Variants in PDZD7 observed in about 807,000 individuals in gnomAD.
PDZD7 encodes the protein PDZ domain containing 7.
Under a neutral mutation model 84.7 loss-of-function variants are expected in PDZD7, and 72 were observed. That is an observed-to-expected ratio of 0.85 (90% CI 0.70 to 1.03). The LOEUF (loss-of-function observed/expected upper bound fraction) is 1.03, where lower values mean the gene tolerates loss of function less well. PDZD7 is among the 50% of genes least tolerant of loss of function. PDZD7 has a pLI of 0.00. For missense variants in PDZD7, 1,490 were observed against 1,412.9 expected, an observed-to-expected ratio of 1.05 and a Z score of -0.87; for synonymous variants, 594 against 580.7, an observed-to-expected ratio of 1.02 and a Z score of -0.33.
Position 101,023,431 on chromosome 10 carries a change from C to T in PDZD7, c.542+5G>A. On this transcript the variant is annotated splice_donor_5th_base_variant and intron_variant, in intron 4 of 16. Transcript: ENST00000619208. ...CAGGGCTAGGATGAGGGAGTTGCTG[C>T]TCACCACGTGGTCTTCTCCTTGGAG... is the stretch of plus-strand genomic sequence containing the variant. 6.2e-7 allele frequency: 1 copy of T among 1,614,058 alleles called. No individual in the cohort carries two copies.
At chr10:101,025,505 C>T (rs572839312) in intron 2 of PDZD7, among the ~76,000 whole-genome samples, 166 of 150,794 alleles carry the variant, frequency 1.1e-3, no homozygotes, top group African/African-American at 3.9e-3. Context: ...ACCACCCCAG[C>T]CTTGAAATGG....
intron 1 of PDZD7, chr10:101,030,760 A>G (rs1590082818): frequency 7.9e-6 from 1 of 126,796 alleles, no homozygotes; most frequent in Non-Finnish European, 1.6e-5. Flanking sequence ...GCGGGCATGG[A>G]GGTGGCCCGG....
At position 101,021,786 on chromosome 10, in the gene PDZD7, T is replaced by G. The variant is rs1409496783; in HGVS notation, c.867+12A>C. The G allele has an allele frequency of 1.9e-6, 3 of 1,614,202 alleles. No homozygotes were observed. In the South Asian group the frequency reaches 3.3e-5, roughly 18 times the overall value. On this transcript the variant is annotated intron_variant, in intron 6 of 16. Coordinates refer to ENST00000619208, the MANE Select transcript of PDZD7 (RefSeq NM_001195263.2). ...TAGCCTCACCTCTCCCTACCCCCACTGTTCTGCCCACCTTGATGGTCAGCA... is the reference window on the plus strand; with the variant it reads ...TAGCCTCACCTCTCCCTACCCCCACGGTTCTGCCCACCTTGATGGTCAGCA...
Position 101,010,671 on chromosome 10 carries a change from G to C in PDZD7, c.2218C>G (p.Pro740Ala), listed in dbSNP as rs1179069732. ...GGCCGCAGGGGCCGGGGAGCCACGG[G>C]GGGTAGCTGGGGAGGGGGTGTGCAG... ...IACTPPPQLP[P>A]VAPRPLRPNW... The change falls in exon 15 of 17, where the codon CCC (proline) becomes GCC (alanine). Residue 740 changes from proline to alanine, a missense_variant. Physicochemically the swap from Pro to Ala is conservative, Grantham distance 27. Coordinates refer to ENST00000619208, the MANE Select transcript of PDZD7 (RefSeq NM_001195263.2). The C allele has an allele frequency of 8.5e-6, 13 of 1,522,724 alleles. No homozygotes were observed. Among genetic ancestry groups the C allele is most frequent in the African/African-American group, 5.5e-5 (4 of 72,530 alleles). The allele number at this position is 1,522,724 out of a possible 1,614,324, so 94.3% of individuals were successfully genotyped here. A position where few individuals can be genotyped will look rare whatever the true frequency, so the allele number is the denominator to read the frequency against.
intron 2 of PDZD7, among the ~76,000 whole-genome samples, chr10:101,028,719 T>C (rs182524266): frequency 8.3e-4 from 127 of 152,226 alleles, no homozygotes; most frequent in Middle Eastern, 3.4e-3. Context: ...GTTCTTTTAA[T>C]AGAATGGGAC....
intron 13 of PDZD7, 63 bp downstream of exon 13, chr10:101,011,862 C>G: frequency 6.5e-7 from 1 of 1,549,386 alleles, no homozygotes; most frequent in South Asian, 1.2e-5. Flanking sequence ...CTCTCCACCA[C>G]GGGGTCCCAT....
chr10:101,017,272 CA>C (rs1350749050), intron 9 of PDZD7: 15 of 247,918 alleles, frequency 6.1e-5, no homozygotes, highest in Non-Finnish European at 1.1e-4. Context: ...GGCAAAGCCC[CA>C]CAATAGCGAA....
At chr10:101,029,114 G>A (rs889621096) in intron 2 of PDZD7, among the ~76,000 whole-genome samples, 1 of 152,214 alleles carries the variant, frequency 6.6e-6, no homozygotes, top group African/African-American at 2.4e-5. Context: ...TCAGACTCAG[G>A]GGGCCTGGCT....
chr10:101,016,476 A>C, intron 9 of PDZD7, 49 bp from the exon 10 acceptor site: 1 of 1,542,432 alleles, frequency 6.5e-7, no homozygotes, highest in Non-Finnish European at 8.8e-7. Context: ...CCCAGTCTGA[A>C]AATGGGGTTC....
chr10:101,016,369 T>C lies in PDZD7; in HGVS notation c.1573+8A>G. ...AACTAGGCCTTGGTAAAGGGATGCA[T>C]GAATTACCACGTCTCAGTCTCCAGG... On this transcript the variant is annotated splice_region_variant and intron_variant, in intron 10 of 16. Coordinates refer to ENST00000619208, the MANE Select transcript of PDZD7 (RefSeq NM_001195263.2). 1 of 1,550,640 alleles carries C rather than the reference T, an allele frequency of 6.4e-7. No homozygotes were observed.
rs1564821116 is a variant in PDZD7, at chr10:101,008,440, T to C, written c.*27A>G. ...GGGGATAACGGGATGCTGGAGTCAG[T>C]GGGTGAATCTGAGGTTAGGGGGAGG... On this transcript the variant is annotated 3_prime_UTR_variant, in exon 17 of 17. Transcript: ENST00000619208. 6.8e-7 allele frequency: 1 copy of C among 1,468,926 alleles called. No individual in the cohort carries two copies. The highest frequency in any genetic ancestry group is 9.0e-7 in the Non-Finnish European group (1 of 1,113,252). 91.0% of individuals were successfully genotyped at this position (1,468,926 alleles called of 1,614,324 possible). A position where few individuals can be genotyped will look rare whatever the true frequency, so the allele number is the denominator to read the frequency against.
At position 101,012,378 on chromosome 10, in the gene PDZD7, C is replaced by T. The variant is rs374768822; in HGVS notation, c.1750-120G>A. On this transcript the variant is annotated intron_variant, in intron 11 of 16. Coordinates refer to ENST00000619208, the MANE Select transcript of PDZD7 (RefSeq NM_001195263.2). ...GTAGGGACCTATCCAGCCCTGCGTG[C>T]CTTGGGAAAGGTTCACTCCACCCCC... 15 of 887,030 alleles carry T rather than the reference C, an allele frequency of 1.7e-5. No homozygotes were observed. The South Asian group carries it at 2.2e-4, about 13-fold the overall frequency. The allele number at this position is 887,030 out of a possible 1,614,324, so 54.9% of individuals were successfully genotyped here.
At chr10:101,011,619 G>A in intron 14 of PDZD7, 71 bp downstream of exon 14, 2 of 1,520,140 alleles carry the variant, frequency 1.3e-6, no homozygotes, top group Non-Finnish European at 1.8e-6. Context: ...GAAAGAAGTA[G>A]AAGGCCCATC....
rs1852347918 is a variant in PDZD7 at position 101,010,263 on chromosome 10, T to A, written c.2617+9A>T. 1 of 1,512,358 alleles carries A rather than the reference T, an allele frequency of 6.6e-7. No homozygotes were observed. Among genetic ancestry groups the A allele is most frequent in the East Asian group, 2.5e-5 (1 of 40,186 alleles). The allele number at this position is 1,512,358 out of a possible 1,614,324, so 93.7% of individuals were successfully genotyped here. The stretch of plus-strand genomic sequence containing the variant: ...GTCCTCTGCCGGGCCCAGTCCCACG[T>A]GGACTCACCTAAGGACTGCTTCATC... On this transcript the variant is annotated intron_variant, in intron 15 of 16. Transcript: ENST00000619208.
At position 101,012,057 on chromosome 10, in the gene PDZD7, C is replaced by G. The variant is rs1433527357; in HGVS notation, c.1842-41G>C. 23 of 1,542,260 alleles carry G rather than the reference C, an allele frequency of 1.5e-5. No individual in the cohort carries two copies. In the Admixed American group the frequency reaches 4.5e-4, roughly 30 times the overall value. ...AGACAGCAGGGGTGGGAGGGGCAGG[C>G]AGGATTTCAGTTCCGGAGGTGCCAG... On this transcript the variant is annotated intron_variant, in intron 12 of 16. Transcript: ENST00000619208.
At position 101,030,193 on chromosome 10, in the gene PDZD7, G is replaced by C. The variant is rs774805358; in HGVS notation, c.27C>G (p.Phe9Leu). Reference protein sequence around the residue: MAQGFAVGFDPLGLGDLSS... With the variant: MAQGFAVGLDPLGLGDLSS... ...TCAGGTCTCCTAGGCCCAGTGGGTCGAAGCCCACTGCGAAACCCTGCGCCA... is the reference window on the plus strand; with the variant it reads ...TCAGGTCTCCTAGGCCCAGTGGGTCCAAGCCCACTGCGAAACCCTGCGCCA... The change falls in exon 2 of 17, where the codon TTC (phenylalanine) becomes TTG (leucine). Residue 9 changes from phenylalanine (F) to leucine (L), a missense_variant. Transcript: ENST00000619208. The C allele has an allele frequency of 6.2e-7, 1 of 1,612,008 alleles. No homozygotes were observed. The highest frequency in any genetic ancestry group is 1.1e-5 in the South Asian group (1 of 90,910).
intron 2 of PDZD7, among the ~76,000 whole-genome samples, chr10:101,027,988 T>A (rs1048289943): frequency 6.6e-6 from 1 of 152,210 alleles, no homozygotes. Context: ...TGGGATCTCA[T>A]GGGGCCGATG....
intron 9 of PDZD7, 199 bp downstream of exon 9, chr10:101,017,900 G>GAAAGAAAA (rs1852783725): frequency 2.2e-6 from 1 of 452,696 alleles, no homozygotes; most frequent in East Asian, 3.2e-5. Context: ...AGAAAAGAAA[G>GAAAGAAAA]AAAGAAAGAA....
At position 101,022,104 on chromosome 10, in the gene PDZD7, G is replaced by C. The variant is rs1269865924; in HGVS notation, c.719+105C>G. The C allele has an allele frequency of 5.1e-6, 8 of 1,573,426 alleles. No homozygotes were observed. In the Admixed American group the frequency reaches 1.4e-4, roughly 28 times the overall value. On this transcript the variant is annotated intron_variant, in intron 5 of 16. Transcript: ENST00000619208. ...TCCCAGGCCCTCACTGAGACAGGTG[G>C]TTGGCCAGGCCTCACTTGCTGACCA...
Sources: gnomAD v4.1 joint callset for allele counts (sites outside exome capture counted in the v4.1 genomes callset) on GRCh38, gnomAD v4.1.1 for gene constraint, MANE v1.5 for transcripts, NCBI Gene and HGNC (gene_info 2026-07-23, HGNC 2026-07-21) for gene names.